DAPK1: variants seen among roughly 807,000 people sequenced by gnomAD.
The protein encoded by DAPK1 is death-associated protein kinase 1.
DAPK1 carries 56 observed loss-of-function variants against 144.9 expected under a neutral mutation model. The observed-to-expected ratio is 0.39, with a 90% CI of 0.31 to 0.48. The LOEUF (loss-of-function observed/expected upper bound fraction) is 0.48. DAPK1 is among the 20% of genes least tolerant of loss of function. DAPK1 has a pLI of 0.95. For synonymous variants in DAPK1, 690 were observed against 749.0 expected, an observed-to-expected ratio of 0.92 and a Z score of 1.29; for missense variants, 1,454 against 1,875.4, an observed-to-expected ratio of 0.78 and a Z score of 4.15.
chr9:87,656,257 G>T (rs1364396168), intron 17 of DAPK1, among the ~76,000 whole-genome samples: 1 of 152,092 alleles, frequency 6.6e-6, no homozygotes, highest in Non-Finnish European at 1.5e-5. Context: ...AGGGGGTTAT[G>T]GGGAAGGGAG....
At chr9:87,675,597 T>C (rs1430167320) in intron 19 of DAPK1, among the ~76,000 whole-genome samples, 7 of 151,692 alleles carry the variant, frequency 4.6e-5, no homozygotes, top group Admixed American at 2.6e-4. Flanking sequence ...TGCAGGCAGG[T>C]GTGAGATCTG....
intron 9 of DAPK1, among the ~76,000 whole-genome samples, chr9:87,641,239 G>T (rs771102372): frequency 6.6e-6 from 1 of 152,168 alleles, no homozygotes; most frequent in Non-Finnish European, 1.5e-5. Flanking sequence ...CTCATTCCAC[G>T]TGGCCTTGGG....
intron 2 of DAPK1, among the ~76,000 whole-genome samples, chr9:87,520,529 A>G (rs1171079912): frequency 6.6e-6 from 1 of 152,216 alleles, no homozygotes; most frequent in Non-Finnish European, 1.5e-5. Flanking sequence ...GAAAGCCGGA[A>G]GACAAGGGGA....
rs36208404 is a variant in DAPK1 at position 87,615,592 on chromosome 9, G to T, written c.284+10417G>T. 6.1e-3 allele frequency among the ~76,000 whole-genome samples: 925 copies of T among 152,320 alleles called. 10 individuals carry two copies. The highest frequency in any genetic ancestry group is 0.024 in the Middle Eastern group (7 of 294). On this transcript the variant is annotated intron_variant, in intron 3 of 25. Transcript: ENST00000408954. Reference sequence around the variant, plus strand: ...GGGTAGAACGTTCACTACTTTTAAGGCACTTGCACTTAGGCATGGGTCTTC... The same window carrying T: ...GGGTAGAACGTTCACTACTTTTAAGTCACTTGCACTTAGGCATGGGTCTTC...
At chr9:87,525,078 G>A (rs554076998) in intron 2 of DAPK1, among the ~76,000 whole-genome samples, 1 of 152,304 alleles carries the variant, frequency 6.6e-6, no homozygotes, top group Non-Finnish European at 1.5e-5. Context: ...ACCGAACAGT[G>A]TGAACAGTGC....
At chr9:87,563,250 A>C (rs577855508) in intron 2 of DAPK1, among the ~76,000 whole-genome samples, 1 of 152,328 alleles carries the variant, frequency 6.6e-6, no homozygotes, top group Non-Finnish European at 1.5e-5. Context: ...AATCCACACA[A>C]ATTTATTAAA....
chr9:87,506,180 T>A (rs1429888263), intron 2 of DAPK1, among the ~76,000 whole-genome samples: 1 of 152,256 alleles, frequency 6.6e-6, no homozygotes, highest in East Asian at 1.9e-4. Context: ...GTTTTCCATC[T>A]TTGAAAGCCA....
In DAPK1 at chr9:87,525,230, A is replaced by G. The variant is rs768226986; in HGVS notation, c.62+26091A>G. 3.8e-6 allele frequency: 4 copies of G among 1,058,758 alleles called. 1 individual carries two copies. The highest frequency in any genetic ancestry group is 3.8e-5 in the South Asian group (3 of 79,948). The allele number at this position is 1,058,758 out of a possible 1,614,324, so 65.6% of individuals were successfully genotyped here. A position where few individuals can be genotyped will look rare whatever the true frequency, so the allele number is the denominator to read the frequency against. ...CTGCGTCTGTTTTTCACCCTACCCAATGCAGTGCTTACCTAAAAAATGCGT... is the reference window on the plus strand; with the variant it reads ...CTGCGTCTGTTTTTCACCCTACCCAGTGCAGTGCTTACCTAAAAAATGCGT... On this transcript the variant is annotated intron_variant, in intron 2 of 25. Coordinates refer to ENST00000408954, the MANE Select transcript of DAPK1 (RefSeq NM_004938.4).
intron 21 of DAPK1, among the ~76,000 whole-genome samples, chr9:87,691,667 T>C (rs972054710): frequency 6.6e-6 from 1 of 151,932 alleles, no homozygotes; most frequent in African/African-American, 2.4e-5. Flanking sequence ...GCTGTAGGTT[T>C]TGGTCTTGTG....
chr9:87,559,214 G>A (rs913671314), intron 2 of DAPK1, among the ~76,000 whole-genome samples: 1 of 152,140 alleles, frequency 6.6e-6, no homozygotes. Context: ...TTAAGGTAGA[G>A]GTAATGTGTC....
intron 18 of DAPK1, 147 bp downstream of exon 18, chr9:87,658,274 T>C: frequency 3.3e-6 from 2 of 597,582 alleles, no homozygotes; most frequent in African/African-American, 1.9e-5. Context: ...TGCGGTAACA[T>C]AGACATTCGC....
chr9:87,700,029 C>A, intron 23 of DAPK1, 88 bp from the exon 24 acceptor site: 1 of 1,078,192 alleles, frequency 9.3e-7, no homozygotes, highest in South Asian at 1.4e-5. Context: ...CTCCTACCAG[C>A]CTCTTGAGCC....
intron 2 of DAPK1, among the ~76,000 whole-genome samples, chr9:87,601,768 A>G (rs1036590162): frequency 6.6e-6 from 1 of 152,152 alleles, no homozygotes; most frequent in African/African-American, 2.4e-5. Flanking sequence ...CAGATAAGAA[A>G]ACTGAGGCCT....
chr9:87,549,095 C>T (rs1024346990), intron 2 of DAPK1, among the ~76,000 whole-genome samples: 1 of 151,982 alleles, frequency 6.6e-6, no homozygotes, highest in Non-Finnish European at 1.5e-5. Flanking sequence ...CTCTCCCTCC[C>T]TGCATCCCCC....
intron 2 of DAPK1, among the ~76,000 whole-genome samples, chr9:87,513,578 C>G (rs1367461923): frequency 6.6e-6 from 1 of 152,162 alleles, no homozygotes; most frequent in East Asian, 1.9e-4. Context: ...AGACCAGCAG[C>G]TGGAGGTAGG....
chr9:87,604,220 G>C (rs1278171686), intron 2 of DAPK1, among the ~76,000 whole-genome samples: 1 of 152,162 alleles, frequency 6.6e-6, no homozygotes, highest in East Asian at 1.9e-4. Flanking sequence ...CAGAAAGCCT[G>C]TGTCTCTGCA....
intron 14 of DAPK1, 72 bp from the exon 15 acceptor site, chr9:87,648,709 G>A: frequency 7.4e-7 from 1 of 1,355,506 alleles, no homozygotes; most frequent in South Asian, 1.2e-5. Context: ...CCTGGGTGTA[G>A]GCCTTGGGTT....
At chr9:87,550,828 C>T (rs1826451835) in intron 2 of DAPK1, among the ~76,000 whole-genome samples, 1 of 152,192 alleles carries the variant, frequency 6.6e-6, no homozygotes, top group African/African-American at 2.4e-5. Flanking sequence ...CCAAGCTGTA[C>T]CAAGCCATGC....
At chr9:87,695,291 C>G (rs945957243) in intron 21 of DAPK1, among the ~76,000 whole-genome samples, 1 of 152,222 alleles carries the variant, frequency 6.6e-6, no homozygotes, top group African/African-American at 2.4e-5. Flanking sequence ...CCCTTTAGAT[C>G]TCAGAGTGCA....
Sources: gnomAD v4.1 joint callset for allele counts (sites outside exome capture counted in the v4.1 genomes callset) on GRCh38, gnomAD v4.1.1 for gene constraint, MANE v1.5 for transcripts, NCBI Gene and HGNC (gene_info 2026-07-23, HGNC 2026-07-21) for gene names.